Variants in SSR1 observed in about 807,000 individuals in gnomAD.
SSR1 encodes the protein translocon-associated protein subunit alpha.
A neutral mutation model predicts 36.1 loss-of-function variants in SSR1; 13 were observed. The ratio of observed to expected loss-of-function variants is 0.36; its 90% confidence interval spans 0.23 to 0.57. The LOEUF is 0.57. Among genes scored for constraint, SSR1 ranks in the 20% least tolerant of loss-of-function variants. The pLI, the probability that SSR1 is intolerant of heterozygous loss-of-function variation, is 0.81. For missense variants in SSR1, 291 were observed against 338.5 expected (o/e 0.86, Z 1.10); for synonymous variants, 113 against 118.9 (o/e 0.95, Z 0.32).
chr6:7,306,663 T>A (rs539090620), intron 2 of SSR1, among the ~76,000 whole-genome samples: 2 of 148,688 alleles, frequency 1.3e-5, no homozygotes, highest in Non-Finnish European at 3.0e-5. Flanking sequence ...ATGCCTGTAA[T>A]CCCAGCACTT....
chr6:7,301,389 T>G lies in SSR1; in HGVS notation c.464A>C (p.Glu155Ala). The part of the protein sequence containing the change: ...VVPPQRQATF[E>A]YSFIPAEPMG... ...GGGCTCTGCAGGAATGAAAGAGTAC[T>G]CAAAAGTTGCCTGTCTCTGGGGTGG... The change falls in exon 4 of 8, where the codon GAG (glutamate) becomes GCG (alanine). Residue 155 changes from glutamate (E) to alanine (A), a missense_variant. By Grantham distance (107) the Glu-to-Ala change is moderately radical. Transcript: ENST00000244763. The G allele has an allele frequency of 1.2e-6, 2 of 1,614,152 alleles. No homozygotes were observed. The highest frequency in any genetic ancestry group is 2.2e-5 in the South Asian group (2 of 91,082).
At position 7,290,029 on chromosome 6, in the gene SSR1, T is replaced by TAC. The variant is rs1757647452; in HGVS notation, c.794-100_794-99dup. ...TTTACCTTCAACTTTACCACTAAGT[T>TAC]ACACACACACATGGGTGAACACCAT... On this transcript the variant is annotated intron_variant, in intron 7 of 7. Coordinates refer to ENST00000244763, the MANE Select transcript of SSR1 (RefSeq NM_003144.5). 3 of 943,646 alleles carry TAC rather than the reference T, an allele frequency of 3.2e-6. No individual in the cohort carries two copies. The South Asian group carries it at 6.1e-5, about 19-fold the overall frequency. The allele number at this position is 943,646 out of a possible 1,614,324, so 58.5% of individuals were successfully genotyped here. A position where few individuals can be genotyped will look rare whatever the true frequency, so the allele number is the denominator to read the frequency against.
At chr6:7,296,241 T>G (rs1027248784) in intron 6 of SSR1, among the ~76,000 whole-genome samples, 1 of 152,162 alleles carries the variant, frequency 6.6e-6, no homozygotes, top group Non-Finnish European at 1.5e-5. Flanking sequence ...TCAGTTTATC[T>G]ACATAAGAAA....
intron 7 of SSR1, among the ~76,000 whole-genome samples, chr6:7,294,095 A>C (rs997854872): frequency 6.6e-6 from 1 of 152,194 alleles, no homozygotes; most frequent in Non-Finnish European, 1.5e-5. Flanking sequence ...TTTATATATA[A>C]GAATATTCAT....
rs778705641 is a variant in SSR1 at position 7,301,261 on chromosome 6, C to T, written c.543+49G>A. The T allele has an allele frequency of 5.0e-6, 8 of 1,589,562 alleles. No homozygotes were observed. The Admixed American group carries it at 1.4e-4, about 29-fold the overall frequency. On this transcript the variant is annotated intron_variant, in intron 4 of 7. Coordinates refer to ENST00000244763, the MANE Select transcript of SSR1 (RefSeq NM_003144.5). ...TATATTCTATTAAACAACGTCACCG[C>T]CCCCATCCATCTCTAACTTAAACAA...
rs138517748 is a variant in SSR1, at chr6:7,285,785, T to C, written c.*4079A>G. 4 of 152,320 alleles carry C rather than the reference T, an allele frequency of 2.6e-5. No individual in the cohort carries two copies. The highest frequency in any genetic ancestry group is 9.6e-5 in the African/African-American group (4 of 41,590). 9.4% of individuals were successfully genotyped at this position (152,320 alleles called of 1,614,324 possible). A position where few individuals can be genotyped will look rare whatever the true frequency, so the allele number is the denominator to read the frequency against. On this transcript the variant is annotated 3_prime_UTR_variant, in exon 8 of 8. Coordinates refer to ENST00000244763, the MANE Select transcript of SSR1 (RefSeq NM_003144.5). This position sits in a 1 kb window ranked among gnomAD's most constrained non-coding sequence, Gnocchi z 4.1. ...TAACCCAAGAGCAGATACTTCACTCTTACCTTTAACGTGAAGATTTATCTT... is the reference window on the plus strand; with the variant it reads ...TAACCCAAGAGCAGATACTTCACTCCTACCTTTAACGTGAAGATTTATCTT...
intron 7 of SSR1, among the ~76,000 whole-genome samples, chr6:7,290,407 C>G (rs1323132313): frequency 1.4e-5 from 1 of 69,268 alleles, no homozygotes; most frequent in Non-Finnish European, 2.9e-5. Context: ...GCTGTATCTC[C>G]CATATGTTTG....
At chr6:7,298,407 C>A (rs942351861) in intron 5 of SSR1, among the ~76,000 whole-genome samples, 11 of 152,090 alleles carry the variant, frequency 7.2e-5, no homozygotes, top group Non-Finnish European at 1.6e-4. Context: ...AAGATAAAAT[C>A]TTCTAACTTA....
intron 1 of SSR1, 101 bp from the exon 2 acceptor site, chr6:7,310,130 C>T: frequency 2.7e-6 from 2 of 727,784 alleles, no homozygotes; most frequent in Non-Finnish European, 2.3e-6. Flanking sequence ...CTTGGACTAA[C>T]AGAATCTCCC....
At chr6:7,294,919 G>A (rs954555742) in intron 7 of SSR1, 20 of 477,676 alleles carry the variant, frequency 4.2e-5, no homozygotes, top group Middle Eastern at 1.1e-3. Flanking sequence ...ATAAATTGTC[G>A]GGTAATATTT....
chr6:7,296,517 G>A (rs932541440), intron 6 of SSR1, among the ~76,000 whole-genome samples: 3 of 152,162 alleles, frequency 2.0e-5, no homozygotes, highest in Admixed American at 1.3e-4. Flanking sequence ...CCTGACTAAA[G>A]GCTTAATAAA....
rs35763826 is a variant in SSR1, at chr6:7,303,138, T to TAAAAAAAAAA, written c.280+402_280+411dup. 1.6e-3 allele frequency among the ~76,000 whole-genome samples: 70 copies of TAAAAAAAAAA among 42,910 alleles called. 5 individuals are homozygous for TAAAAAAAAAA. The highest frequency in any genetic ancestry group is 5.8e-3 in the African/African-American group (53 of 9,070). 28.2% of individuals were successfully genotyped at this position (42,910 alleles called of 152,430 possible). A position where few individuals can be genotyped will look rare whatever the true frequency, so the allele number is the denominator to read the frequency against. On this transcript the variant is annotated intron_variant, in intron 3 of 7. Coordinates refer to ENST00000244763, the MANE Select transcript of SSR1 (RefSeq NM_003144.5). The stretch of plus-strand genomic sequence containing the variant: ...TGGGTGACAGAGCGAGACTACATCT[T>TAAAAAAAAAA]AAAAAAAAAAAAAAAAAAAAAAAAA...
chr6:7,297,990 T>C lies in SSR1; in HGVS notation c.632A>G (p.Tyr211Cys). The change falls in exon 6 of 8, where the codon TAT becomes TGT. Residue 211 changes from tyrosine to cysteine, a missense_variant. By Grantham distance (194) the Tyr-to-Cys change is radical. Transcript: ENST00000244763. ...DGLDGETIFM[Y>C]MFLAGLGLLV... ...AAGCCCAAGACCAGCAAGGAACATA[T>C]ACATAAAGATTCTGGTACAAAAGGA... 3.1e-6 allele frequency: 5 copies of C among 1,613,032 alleles called. No homozygotes were observed. The highest frequency in any genetic ancestry group is 3.4e-6 in the Non-Finnish European group (4 of 1,179,386).
In SSR1 at chr6:7,284,393, C is replaced by T. The variant is rs1205372482; in HGVS notation, c.*5471G>A. On this transcript the variant is annotated 3_prime_UTR_variant, in exon 8 of 8. Coordinates refer to ENST00000244763, the MANE Select transcript of SSR1 (RefSeq NM_003144.5). ...ACATGCCCATCTTAAAACTTTTATCCTTTAGTTACAAAAAGAATACTATGT... is the reference window on the plus strand; with the variant it reads ...ACATGCCCATCTTAAAACTTTTATCTTTTAGTTACAAAAAGAATACTATGT... 6.6e-6 allele frequency: 1 copy of T among 152,170 alleles called. No individual in the cohort carries two copies. The highest frequency in any genetic ancestry group is 2.4e-5 in the African/African-American group (1 of 41,446). The allele number at this position is 152,170 out of a possible 1,614,324, so 9.4% of individuals were successfully genotyped here. A position where few individuals can be genotyped will look rare whatever the true frequency, so the allele number is the denominator to read the frequency against.
rs1245719060 is a variant in SSR1 at position 7,287,483 on chromosome 6, T to C, written c.*2381A>G. On this transcript the variant is annotated 3_prime_UTR_variant, in exon 8 of 8. Transcript: ENST00000244763. Reference sequence around the variant, plus strand: ...GAGGTCCCATTTCCTTTTCCTCTCCTGGGACAATGCTTTAGAGGGCAGATT... The same window carrying C: ...GAGGTCCCATTTCCTTTTCCTCTCCCGGGACAATGCTTTAGAGGGCAGATT... 1 of 152,214 alleles carries C rather than the reference T, an allele frequency of 6.6e-6. No individual in the cohort carries two copies. The highest frequency in any genetic ancestry group is 1.5e-5 in the Non-Finnish European group (1 of 68,036). 9.4% of individuals were successfully genotyped at this position (152,214 alleles called of 1,614,324 possible).
At chr6:7,303,167 CAAAGTT>C (rs1020448186) in intron 3 of SSR1, among the ~76,000 whole-genome samples, 1 of 69,976 alleles carries the variant, frequency 1.4e-5, no homozygotes, top group African/African-American at 5.8e-5. Context: ...AAAAAAAAGA[CAAAGTT>C]ACTTTGCTGT....
chr6:7,308,114 G>A (rs986131384), intron 2 of SSR1, among the ~76,000 whole-genome samples: 11 of 152,196 alleles, frequency 7.2e-5, no homozygotes, highest in South Asian at 2.1e-4. Flanking sequence ...GGTTGAAGAC[G>A]TGGAGTCTTA....
Position 7,298,764 on chromosome 6 carries a change from A to G in SSR1, c.603T>C (p.Asp201=), listed in dbSNP as rs1365178585. 1.9e-6 allele frequency: 3 copies of G among 1,613,170 alleles called. No individual in the cohort carries two copies. The South Asian group carries it at 3.3e-5, about 18-fold the overall frequency. Residue 201 remains aspartate, a synonymous_variant, in exon 5 of 8, where the codon GAT becomes GAC. Transcript: ENST00000244763. ...NQTVTVIERE[D]GLDGETIFMY... ...TCACTTACGTTTCTCCATCTAACCC[A>G]TCCTCTCTTTCAATAACTGTAACTG...
intron 7 of SSR1, among the ~76,000 whole-genome samples, chr6:7,291,743 G>C (rs957474985): frequency 6.6e-6 from 1 of 152,192 alleles, no homozygotes; most frequent in Non-Finnish European, 1.5e-5. Flanking sequence ...AAGTACTCTA[G>C]GATTTAACAG....
Sources: allele counts gnomAD v4.1 joint callset (sites outside exome capture counted in the v4.1 genomes callset), GRCh38; gene constraint gnomAD v4.1.1; non-coding constraint Gnocchi (gnomAD v3.1); transcripts MANE v1.5; gene names NCBI Gene and HGNC (gene_info 2026-07-23, HGNC 2026-07-21).